The following TRPC4AP variants were observed in gnomAD, a reference collection of about 807,000 sequenced individuals.
TRPC4AP encodes the protein transient receptor potential cation channel subfamily C member 4 associated protein.
In TRPC4AP, 45 loss-of-function variants were observed where a neutral mutation model predicts 99.0. That is an observed-to-expected ratio of 0.45 (90% CI 0.36 to 0.58). The LOEUF (loss-of-function observed/expected upper bound fraction) is 0.58, where lower values mean the gene tolerates loss of function less well. Ranked by LOEUF, TRPC4AP falls within the 20% of genes least tolerant of loss-of-function variation. TRPC4AP has a pLI of 0.00. For synonymous variants in TRPC4AP, 408 were observed against 385.8 expected (o/e 1.06, Z -0.67); for missense variants, 879 against 985.3 (o/e 0.89, Z 1.44).
At chr20:35,051,615 TAA>T (rs56666362) in intron 5 of TRPC4AP, among the ~76,000 whole-genome samples, 58 of 115,312 alleles carry the variant, frequency 5.0e-4, no homozygotes, top group Admixed American at 5.5e-4. Flanking sequence ...ACTGACACAT[TAA>T]AAAAAAAAAA....
intron 8 of TRPC4AP, among the ~76,000 whole-genome samples, chr20:35,023,128 C>A (rs940480494): frequency 7.9e-5 from 12 of 152,136 alleles, no homozygotes; most frequent in Non-Finnish European, 7.4e-5. Context: ...CGACAAGCTG[C>A]TGAATGAAGT....
chr20:35,062,700 G>A (rs569075651), intron 3 of TRPC4AP, among the ~76,000 whole-genome samples: 1 of 152,330 alleles, frequency 6.6e-6, no homozygotes, highest in East Asian at 1.9e-4. Flanking sequence ...GGGAGGAAAT[G>A]GGGAGTGGCT....
At chr20:35,021,102 A>G in intron 9 of TRPC4AP, 88 bp downstream of exon 9, 1 of 1,445,376 alleles carries the variant, frequency 6.9e-7, no homozygotes, top group Admixed American at 1.9e-5. Context: ...AGCCATTCTA[A>G]CAGAAGGCCC....
intron 11 of TRPC4AP, among the ~76,000 whole-genome samples, chr20:35,012,617 T>A (rs2082662884): frequency 6.6e-6 from 1 of 152,208 alleles, no homozygotes; most frequent in African/African-American, 2.4e-5. Context: ...GAGGGAAGAA[T>A]CCTCCAGCTG....
chr20:35,022,857 T>C (rs1382089214), intron 8 of TRPC4AP, among the ~76,000 whole-genome samples: 1 of 151,876 alleles, frequency 6.6e-6, no homozygotes, highest in Non-Finnish European at 1.5e-5. Flanking sequence ...CTCATTGCTA[T>C]AAAAAAATTT....
At position 35,092,792 on chromosome 20, in the gene TRPC4AP, C is replaced by G. The variant is rs753737032; in HGVS notation, c.-11G>C. 2.0e-6 allele frequency: 3 copies of G among 1,525,114 alleles called. No homozygotes were observed. 94.5% of individuals were successfully genotyped at this position (1,525,114 alleles called of 1,614,324 possible). A position where few individuals can be genotyped will look rare whatever the true frequency, so the allele number is the denominator to read the frequency against. On this transcript the variant is annotated 5_prime_UTR_variant, in exon 1 of 19. Coordinates refer to ENST00000252015, the MANE Select transcript of TRPC4AP (RefSeq NM_015638.3). ...CGGCGCCGCCGCCATGTCTCCTCGT[C>G]GGACAAACAGGAAGCAAGCGGCCTC...
chr20:35,043,611 T>C (rs1271434992), intron 7 of TRPC4AP, among the ~76,000 whole-genome samples: 1 of 152,158 alleles, frequency 6.6e-6, no homozygotes, highest in African/African-American at 2.4e-5. Context: ...ATACCTGAAA[T>C]GGCAGATAGC....
At position 35,068,984 on chromosome 20, in the gene TRPC4AP, A is replaced by C. The variant is rs10875493; in HGVS notation, c.414+312T>G. On this transcript the variant is annotated intron_variant, in intron 3 of 18. Transcript: ENST00000252015. ...ACACACACACACACACACACAAAAA[A>C]AACAAAACATCTTAAGCAGGACACA... 1.4e-3 allele frequency among the ~76,000 whole-genome samples: 199 copies of C among 140,210 alleles called. 2 individuals are homozygous for C. The highest frequency in any genetic ancestry group is 3.5e-3 in the Middle Eastern group (1 of 286). 92.0% of individuals were successfully genotyped at this position (140,210 alleles called of 152,430 possible). A position where few individuals can be genotyped will look rare whatever the true frequency, so the allele number is the denominator to read the frequency against.
intron 2 of TRPC4AP, among the ~76,000 whole-genome samples, chr20:35,075,349 G>A (rs148866038): frequency 0.03 from 4,507 of 152,232 alleles, 222 homozygotes; most frequent in African/African-American, 0.1. Context: ...TTTCTTCCTA[G>A]CATCGAAGGT....
intron 1 of TRPC4AP, among the ~76,000 whole-genome samples, chr20:35,087,134 C>G (rs1009791015): frequency 1.3e-5 from 2 of 150,320 alleles, no homozygotes; most frequent in African/African-American, 4.9e-5. Flanking sequence ...TCGAGACCAT[C>G]CTGGCTAACA....
chr20:35,090,038 T>G (rs575468374), intron 1 of TRPC4AP, among the ~76,000 whole-genome samples: 1 of 150,668 alleles, frequency 6.6e-6, no homozygotes, highest in East Asian at 2.0e-4. Context: ...GAGGATCACT[T>G]GAGCCCAGGA....
chr20:35,060,116 C>G (rs2083958794), intron 3 of TRPC4AP, among the ~76,000 whole-genome samples: 2 of 152,214 alleles, frequency 1.3e-5, no homozygotes, highest in Admixed American at 1.3e-4. Context: ...CAATTCTTCA[C>G]AAACTCTTCC....
intron 3 of TRPC4AP, among the ~76,000 whole-genome samples, chr20:35,058,424 T>A (rs964869640): frequency 1.3e-5 from 2 of 152,168 alleles, no homozygotes; most frequent in Admixed American, 1.3e-4. Context: ...CAAGCCTCAA[T>A]AAATTTAAAA....
intron 2 of TRPC4AP, 73 bp downstream of exon 2, chr20:35,077,973 A>T (rs1004191898): frequency 2.4e-6 from 3 of 1,273,058 alleles, no homozygotes; most frequent in Non-Finnish European, 3.2e-6. Context: ...AACGGAAGGG[A>T]AAAAAAAAAC....
Position 35,050,011 on chromosome 20 carries a change from A to G in TRPC4AP, c.529-17T>C. On this transcript the variant is annotated splice_polypyrimidine_tract_variant and intron_variant, in intron 5 of 18. Coordinates refer to ENST00000252015, the MANE Select transcript of TRPC4AP (RefSeq NM_015638.3). The stretch of plus-strand genomic sequence containing the variant: ...TCCCTCTGTCTGTCACAAGAAGAAA[A>G]GGCAGAATAGGTTGTAAGTACAAAA... The G allele has an allele frequency of 1.2e-6, 2 of 1,611,062 alleles. No homozygotes were observed. Among genetic ancestry groups the G allele is most frequent in the Non-Finnish European group, 1.7e-6 (2 of 1,178,764 alleles).
At chr20:35,060,811 AATC>A (rs1283269955) in intron 3 of TRPC4AP, among the ~76,000 whole-genome samples, 1 of 152,086 alleles carries the variant, frequency 6.6e-6, no homozygotes, top group African/African-American at 2.4e-5. Context: ...ATGATAAAAC[AATC>A]AACAAGGAAT....
intron 10 of TRPC4AP, among the ~76,000 whole-genome samples, chr20:35,014,153 A>T (rs2082698456): frequency 6.6e-6 from 1 of 152,082 alleles, no homozygotes; most frequent in African/African-American, 2.4e-5. Context: ...GCCCGGGAGC[A>T]CGTTTCTATA....
intron 2 of TRPC4AP, among the ~76,000 whole-genome samples, chr20:35,070,487 T>C (rs1046947147): frequency 6.6e-6 from 1 of 152,016 alleles, no homozygotes; most frequent in Admixed American, 6.6e-5. Context: ...CTCGGCTCAC[T>C]GCAAGCTCTG....
intron 8 of TRPC4AP, among the ~76,000 whole-genome samples, chr20:35,031,867 TTTTCA>T (rs1244715682): frequency 6.6e-6 from 1 of 152,150 alleles, no homozygotes; most frequent in Non-Finnish European, 1.5e-5. Context: ...TCTAGTGATT[TTTTCA>T]TCTTGATTAT....
Sources: allele counts gnomAD v4.1 joint callset (sites outside exome capture counted in the v4.1 genomes callset), GRCh38; gene constraint gnomAD v4.1.1; transcripts MANE v1.5; gene names NCBI Gene and HGNC (gene_info 2026-07-23, HGNC 2026-07-21).